Variants in TAFA5 observed in about 807,000 individuals in gnomAD.
TAFA5 encodes TAFA chemokine like family member 5, also known as chemokine-like protein TAFA-5.
Under a neutral mutation model 15.3 loss-of-function variants are expected in TAFA5, and 6 were observed. The observed-to-expected ratio is 0.39, with a 90% confidence interval of 0.21 to 0.77. The LOEUF (loss-of-function observed/expected upper bound fraction) is 0.77. Among genes scored for constraint, TAFA5 ranks in the 30% least tolerant of loss-of-function variants. The pLI, the probability that TAFA5 is intolerant of heterozygous loss-of-function variation, is 0.41. For synonymous variants in TAFA5, 103 were observed against 80.7 expected, an observed-to-expected ratio of 1.28 and a Z score of -1.48; for missense variants, 161 against 193.1, an observed-to-expected ratio of 0.83 and a Z score of 0.98.
At chr22:48,699,430 G>A (rs944128917) in intron 2 of TAFA5, among the ~76,000 whole-genome samples, 1 of 152,050 alleles carries the variant, frequency 6.6e-6, no homozygotes, top group African/African-American at 2.4e-5. Flanking sequence ...TGCAGCACGC[G>A]TTTTGCAGGG....
At position 48,721,822 on chromosome 22, in the gene TAFA5, T is replaced by C. The variant is rs188004516; in HGVS notation, c.390+13978T>C. The stretch of plus-strand genomic sequence containing the variant: ...CGCCTCTACTAAAAATACAAAAATG[T>C]GCCAAGCGTGGTGGCACGCACCTGT... On this transcript the variant is annotated intron_variant, in intron 3 of 3. Transcript: ENST00000402357. Among the ~76,000 whole-genome samples the C allele has an allele frequency of 5.0e-3, 765 of 152,116 alleles. 2 individuals carry two copies. Among genetic ancestry groups the C allele is most frequent in the Non-Finnish European group, 8.9e-3 (606 of 67,992 alleles).
chr22:48,723,233 C>A (rs1052887785), intron 3 of TAFA5, among the ~76,000 whole-genome samples: 1 of 152,222 alleles, frequency 6.6e-6, no homozygotes, highest in Non-Finnish European at 1.5e-5. Context: ...CAAATGGCTT[C>A]TGCATGCCAC....
intron 2 of TAFA5, among the ~76,000 whole-genome samples, chr22:48,675,316 G>T (rs1366720968): frequency 6.6e-6 from 1 of 152,256 alleles, no homozygotes; most frequent in Non-Finnish European, 1.5e-5. Flanking sequence ...GGACTCAGGA[G>T]GCTTCCTGTG....
chr22:48,599,465 G>T (rs1924884806), intron 1 of TAFA5, among the ~76,000 whole-genome samples: 1 of 152,198 alleles, frequency 6.6e-6, no homozygotes, highest in African/African-American at 2.4e-5. Flanking sequence ...GATGCTGGTT[G>T]TGGGCAGGTG....
At position 48,552,343 on chromosome 22, in the gene TAFA5, GA is replaced by G. The variant is rs1464538091; in HGVS notation, c.112+62640del. Among the ~76,000 whole-genome samples, 4 of 152,274 alleles carry G rather than the reference GA, an allele frequency of 2.6e-5. No homozygotes were observed. The East Asian group carries it at 7.7e-4, about 29-fold the overall frequency. On this transcript the variant is annotated intron_variant, in intron 1 of 3. Coordinates refer to ENST00000402357, the MANE Select transcript of TAFA5 (RefSeq NM_001082967.3). This position sits in a 1 kb window ranked among gnomAD's most constrained non-coding sequence, Gnocchi z 4.1. Reference sequence around the variant, plus strand: ...TTCCTGGAGGCAGTGGCAGAAGTCTGATGGGCTGAAGCCCTCAGGAAACCTT... The same window carrying G: ...TTCCTGGAGGCAGTGGCAGAAGTCTGTGGGCTGAAGCCCTCAGGAAACCTT...
chr22:48,576,285 G>T, intron 1 of TAFA5: 2 of 491,736 alleles, frequency 4.1e-6, no homozygotes, highest in East Asian at 1.1e-4. Context: ...CCCCCCGCCC[G>T]CTCCCCTCCC....
In TAFA5 at chr22:48,612,873, G is replaced by A. The variant is rs113920759; in HGVS notation, c.113-33724G>A. 8.5e-3 allele frequency among the ~76,000 whole-genome samples: 1,301 copies of A among 152,250 alleles called. 15 individuals are homozygous for A. Among genetic ancestry groups the A allele is most frequent in the African/African-American group, 0.028 (1,148 of 41,536 alleles). ...GGTTTCTGACAGGAGAGCCACGGCC[G>A]ACTGGTCATCGTGGGGAGCAGTGGG... On this transcript the variant is annotated intron_variant, in intron 1 of 3. Coordinates refer to ENST00000402357, the MANE Select transcript of TAFA5 (RefSeq NM_001082967.3).
intron 2 of TAFA5, among the ~76,000 whole-genome samples, chr22:48,659,238 T>C (rs1927351289): frequency 6.6e-6 from 1 of 152,256 alleles, no homozygotes; most frequent in South Asian, 2.1e-4. Context: ...TGTTGCTCGC[T>C]GGGCTTTGAG....
chr22:48,502,519 AATTTT>A, intron 1 of TAFA5, among the ~76,000 whole-genome samples: 1 of 131,076 alleles, frequency 7.6e-6, no homozygotes, highest in Non-Finnish European at 1.6e-5. Flanking sequence ...CTCTCTTTGG[AATTTT>A]TTTTTTTTTT....
In TAFA5 at chr22:48,750,067, G is replaced by A. The variant is rs1015816089; in HGVS notation, c.*220G>A. The A allele has an allele frequency of 1.5e-5, 9 of 593,880 alleles. 1 individual carries two copies. In the East Asian group the frequency reaches 2.0e-4, roughly 13 times the overall value. 36.8% of individuals were successfully genotyped at this position (593,880 alleles called of 1,614,324 possible). On this transcript the variant is annotated 3_prime_UTR_variant, in exon 4 of 4. Coordinates refer to ENST00000402357, the MANE Select transcript of TAFA5 (RefSeq NM_001082967.3). ...CCGGACTCAGACACATAGGCGGGGG[G>A]CGGCACCTGGCATCAGCAATACGCA...
chr22:48,712,158 G>A (rs2147254623), intron 3 of TAFA5, among the ~76,000 whole-genome samples: 1 of 152,336 alleles, frequency 6.6e-6, no homozygotes, highest in East Asian at 1.9e-4. Flanking sequence ...CCGAGTTCAA[G>A]TGATTCTCCT....
intron 1 of TAFA5, among the ~76,000 whole-genome samples, chr22:48,607,146 C>G (rs1487958998): frequency 6.6e-6 from 1 of 152,242 alleles, no homozygotes; most frequent in Non-Finnish European, 1.5e-5. Context: ...GTGCATGGAT[C>G]TGGGGCCAGC....
At chr22:48,608,826 C>T (rs1036734151) in intron 1 of TAFA5, among the ~76,000 whole-genome samples, 5 of 152,188 alleles carry the variant, frequency 3.3e-5, no homozygotes, top group Non-Finnish European at 5.9e-5. Flanking sequence ...GGGCAGGCAC[C>T]CGACGCTCGG....
chr22:48,600,860 TG>T (rs1924943452), intron 1 of TAFA5, among the ~76,000 whole-genome samples: 1 of 152,170 alleles, frequency 6.6e-6, no homozygotes, highest in Non-Finnish European at 1.5e-5. Flanking sequence ...GTTACCGGAT[TG>T]ACTGTCGCGG....
intron 1 of TAFA5, among the ~76,000 whole-genome samples, chr22:48,595,113 C>G (rs1222499828): frequency 6.6e-6 from 1 of 152,108 alleles, no homozygotes. Context: ...GGAATTAGGC[C>G]CCTGAGTGTG....
At chr22:48,584,498 A>G (rs992881139) in intron 1 of TAFA5, among the ~76,000 whole-genome samples, 1 of 128,352 alleles carries the variant, frequency 7.8e-6, no homozygotes, top group East Asian at 2.2e-4. Flanking sequence ...CACACACAAA[A>G]TACACCACAC....
intron 1 of TAFA5, among the ~76,000 whole-genome samples, chr22:48,585,572 C>T (rs62637221): frequency 0.23 from 34,561 of 151,064 alleles, 4,395 homozygotes; most frequent in African/African-American, 0.35. Flanking sequence ...CAGCACACAC[C>T]GCAGACACAC....
intron 1 of TAFA5, among the ~76,000 whole-genome samples, chr22:48,608,145 G>C (rs1158682588): frequency 8.5e-6 from 1 of 117,326 alleles, no homozygotes; most frequent in African/African-American, 3.4e-5. Flanking sequence ...CTGCTTCTCG[G>C]GGGTCTTGGT....
intron 2 of TAFA5, among the ~76,000 whole-genome samples, chr22:48,702,585 ACCC>A (rs140189575): frequency 0.15 from 22,973 of 151,202 alleles, 2,275 homozygotes; most frequent in Non-Finnish European, 0.22. Context: ...TGTGCTCAGG[ACCC>A]CCCAGGTTAG....
Sources: allele counts gnomAD v4.1 joint callset (sites outside exome capture counted in the v4.1 genomes callset), GRCh38; gene constraint gnomAD v4.1.1; non-coding constraint Gnocchi (gnomAD v3.1); transcripts MANE v1.5; gene names NCBI Gene and HGNC (gene_info 2026-07-23, HGNC 2026-07-21).